PRKAR1A: variants seen among roughly 807,000 people sequenced by gnomAD.
PRKAR1A encodes protein kinase cAMP-dependent type I regulatory subunit alpha.
PRKAR1A carries 3 observed loss-of-function variants against 52.0 expected under a neutral mutation model. That is an observed-to-expected ratio of 0.06 (90% CI 0.03 to 0.15). The LOEUF is 0.15. Ranked by LOEUF, PRKAR1A falls within the 10% of genes least tolerant of loss-of-function variation. The pLI, the probability that PRKAR1A is intolerant of heterozygous loss-of-function variation, is 1.00. For missense variants in PRKAR1A, 240 were observed against 477.4 expected (o/e 0.50, Z 4.63); for synonymous variants, 188 against 168.4 (o/e 1.12, Z -0.90).
intron 9 of PRKAR1A, among the ~76,000 whole-genome samples, 178 bp from the exon 10 acceptor site, chr17:68,529,742 T>C (rs779763287): frequency 6.6e-6 from 1 of 152,238 alleles, no homozygotes; most frequent in Admixed American, 6.5e-5. Context: ...ACGAAGAACC[T>C]CGCTAGCAGG....
At position 68,531,470 on chromosome 17, in the gene PRKAR1A, C is replaced by G. The variant is rs2085973624; in HGVS notation, c.*1021C>G. The G allele has an allele frequency of 9.4e-7, 1 of 1,066,022 alleles. No homozygotes were observed. The highest frequency in any genetic ancestry group is 1.1e-6 in the Non-Finnish European group (1 of 879,582). 66.0% of individuals were successfully genotyped at this position (1,066,022 alleles called of 1,614,324 possible). ...GGTGATGCTGCTAAAGGGAGAAATG[C>G]CAGGCGGACAAAGTTCAGTGTCGGG... On this transcript the variant is annotated 3_prime_UTR_variant, in exon 11 of 11. Transcript: ENST00000589228.
At chr17:68,431,962 CG>C in the PRKAR1A span, among the ~76,000 whole-genome samples, 1 of 152,124 alleles carries the variant, frequency 6.6e-6, no homozygotes, top group African/African-American at 2.4e-5. Context: ...ACAGCTCAGC[CG>C]CCCTCTAGTG....
chr17:68,530,875 A>G lies in PRKAR1A; in HGVS notation c.*426A>G, dbSNP rs549969908. On this transcript the variant is annotated 3_prime_UTR_variant, in exon 11 of 11. Coordinates refer to ENST00000589228, the MANE Select transcript of PRKAR1A (RefSeq NM_002734.5). ...CATATATGCTGTATTTCTTTGTAGA[A>G]TAAATGGTTTCTCATTAAACTCTAA... is the stretch of plus-strand genomic sequence containing the variant. 1 of 1,142,396 alleles carries G rather than the reference A, an allele frequency of 8.8e-7. No homozygotes were observed. Among genetic ancestry groups the G allele is most frequent in the South Asian group, 3.0e-5 (1 of 32,832 alleles). 70.8% of individuals were successfully genotyped at this position (1,142,396 alleles called of 1,614,324 possible).
the PRKAR1A span, among the ~76,000 whole-genome samples, chr17:68,500,670 C>G: frequency 6.6e-6 from 1 of 152,038 alleles, no homozygotes; most frequent in Non-Finnish European, 1.5e-5. Context: ...CCCACCACCA[C>G]GCCCGGCTAA....
At chr17:68,434,126 G>A in the PRKAR1A span, among the ~76,000 whole-genome samples, 1 of 152,132 alleles carries the variant, frequency 6.6e-6, no homozygotes, top group Non-Finnish European at 1.5e-5. Flanking sequence ...GTCAGCAGAA[G>A]GGAGGAACTG....
the PRKAR1A span, among the ~76,000 whole-genome samples, chr17:68,453,844 A>G: frequency 3.3e-5 from 5 of 152,288 alleles, no homozygotes; most frequent in African/African-American, 1.2e-4. Flanking sequence ...TCCTTTCATC[A>G]GTTTCCAGAA....
At chr17:68,417,300 C>T in the PRKAR1A span, among the ~76,000 whole-genome samples, 1 of 152,134 alleles carries the variant, frequency 6.6e-6, no homozygotes, top group African/African-American at 2.4e-5. Flanking sequence ...TTAGTTTCTC[C>T]TGAGGGCAGG....
rs539205498 is a variant in PRKAR1A at position 68,525,499 on chromosome 17, G to T, written c.550-255G>T. ...CTGTGACTGGTATTAGTGCTTAGCT[G>T]ACCTTTTTCCCTTACATCCTTACAG... On this transcript the variant is annotated intron_variant, in intron 6 of 10. Transcript: ENST00000589228. Among the ~76,000 whole-genome samples, 3 of 152,262 alleles carry T rather than the reference G, an allele frequency of 2.0e-5. No homozygotes were observed. The South Asian group carries it at 6.2e-4, about 32-fold the overall frequency.
the PRKAR1A span, among the ~76,000 whole-genome samples, chr17:68,458,067 A>G: frequency 6.6e-6 from 1 of 152,194 alleles, no homozygotes; most frequent in African/African-American, 2.4e-5. Context: ...TTAGACTCCA[A>G]AGCCCCACCC....
upstream of PRKAR1A, among the ~76,000 whole-genome samples, chr17:68,506,919 G>A (rs941574556): frequency 6.6e-6 from 1 of 152,190 alleles, no homozygotes; most frequent in South Asian, 2.1e-4. Flanking sequence ...TCCATACATG[G>A]ATGGGCTTCA....
At chr17:68,526,166 G>T (rs1466323521) in intron 7 of PRKAR1A, among the ~76,000 whole-genome samples, 1 of 152,152 alleles carries the variant, frequency 6.6e-6, no homozygotes, top group Non-Finnish European at 1.5e-5. Context: ...ATATGTGCTG[G>T]TCATCTCATG....
intron 2 of PRKAR1A, chr17:68,515,822 AT>A: frequency 2.0e-6 from 1 of 510,590 alleles, no homozygotes; most frequent in Non-Finnish European, 3.5e-6. Flanking sequence ...TTTCCAAACA[AT>A]TCTTTGTAAC....
intron 11 of PRKAR1A, chr17:68,540,019 C>T (rs1041698341): frequency 2.0e-6 from 3 of 1,519,130 alleles, no homozygotes; most frequent in East Asian, 2.3e-5. Context: ...GGGACAGGTG[C>T]TCCTGACCTG....
chr17:68,437,948 TAAAAA>T, the PRKAR1A span, among the ~76,000 whole-genome samples: 57 of 78,800 alleles, frequency 7.2e-4, no homozygotes, highest in South Asian at 2.2e-3. Context: ...ACATCTCTCT[TAAAAA>T]AAAAAAAAAA....
At chr17:68,519,214 A>T (rs1361646722) in intron 2 of PRKAR1A, among the ~76,000 whole-genome samples, 4 of 152,058 alleles carry the variant, frequency 2.6e-5, no homozygotes, top group Non-Finnish European at 5.9e-5. Flanking sequence ...TCTGTGTACC[A>T]TTTTACTGTA....
intron 11 of PRKAR1A, among the ~76,000 whole-genome samples, chr17:68,549,564 T>C (rs1304256558): frequency 6.6e-6 from 1 of 152,158 alleles, no homozygotes; most frequent in Non-Finnish European, 1.5e-5. Context: ...ACAGAATCTA[T>C]GGACCTGGTG....
chr17:68,532,815 C>T lies in PRKAR1A; in HGVS notation c.*2366C>T. On this transcript the variant is annotated 3_prime_UTR_variant, in exon 11 of 11. Coordinates refer to ENST00000589228, the MANE Select transcript of PRKAR1A (RefSeq NM_002734.5). ...TTTCTCCTTTCCGTCTTTCCTCTCT[C>T]TGTCCTTCCCCGAAAGTCTACTCGG... 5 of 1,066,482 alleles carry T rather than the reference C, an allele frequency of 4.7e-6. No homozygotes were observed. The highest frequency in any genetic ancestry group is 4.5e-6 in the Non-Finnish European group (4 of 879,778). The allele number at this position is 1,066,482 out of a possible 1,614,324, so 66.1% of individuals were successfully genotyped here. A position where few individuals can be genotyped will look rare whatever the true frequency, so the allele number is the denominator to read the frequency against.
the PRKAR1A span, among the ~76,000 whole-genome samples, chr17:68,471,050 A>T: frequency 6.6e-6 from 1 of 151,202 alleles, no homozygotes; most frequent in Non-Finnish European, 1.5e-5. Context: ...AAAAAAACTA[A>T]CTCCTTTTTT....
At chr17:68,452,424 G>C in the PRKAR1A span, among the ~76,000 whole-genome samples, 2 of 152,298 alleles carry the variant, frequency 1.3e-5, no homozygotes, top group East Asian at 3.9e-4. Flanking sequence ...AATTAGCTGG[G>C]TTTGGTGGCA....
Sources: gnomAD v4.1 joint callset for allele counts (sites outside exome capture counted in the v4.1 genomes callset) on GRCh38, gnomAD v4.1.1 for gene constraint, MANE v1.5 for transcripts, NCBI Gene and HGNC (gene_info 2026-07-23, HGNC 2026-07-21) for gene names.